SPART: variants seen among roughly 807,000 people sequenced by gnomAD.
The protein encoded by SPART is spartin, also known as spastic paraplegia 20 (Troyer syndrome).
SPART carries 35 observed loss-of-function variants against 58.7 expected under a neutral mutation model. The observed-to-expected ratio is 0.60, with a 90% CI of 0.46 to 0.79. The LOEUF (loss-of-function observed/expected upper bound fraction) is 0.79. Among genes scored for constraint, SPART ranks in the 30% least tolerant of loss-of-function variants. The pLI is 0.00. For missense variants in SPART, 730 were observed against 786.1 expected (o/e 0.93, Z 0.85); for synonymous variants, 284 against 280.7 (o/e 1.01, Z -0.12).
chr13:36,322,090 G>C (rs1383640849), intron 5 of SPART, among the ~76,000 whole-genome samples: 1 of 151,970 alleles, frequency 6.6e-6, no homozygotes, highest in Non-Finnish European at 1.5e-5. Flanking sequence ...TCCCTTTGCT[G>C]ATTCTCTTTT....
At chr13:36,367,012 G>A (rs565311072) in intron 1 of SPART, among the ~76,000 whole-genome samples, 21 of 152,234 alleles carry the variant, frequency 1.4e-4, no homozygotes, top group African/African-American at 4.6e-4. Flanking sequence ...TTCCCCATTC[G>A]ATGCCCCTTT....
intron 1 of SPART, among the ~76,000 whole-genome samples, chr13:36,352,834 C>G (rs1282151696): frequency 2.0e-5 from 3 of 151,820 alleles, no homozygotes; most frequent in Non-Finnish European, 4.4e-5. Flanking sequence ...GTGGCACACA[C>G]CTGTAGCTCC....
upstream of SPART, among the ~76,000 whole-genome samples, chr13:36,350,450 G>A (rs75887658): frequency 6.6e-6 from 1 of 152,148 alleles, no homozygotes; most frequent in Non-Finnish European, 1.5e-5. Context: ...CAGACCAGGT[G>A]TACCCTGCTA....
intron 5 of SPART, among the ~76,000 whole-genome samples, chr13:36,322,811 T>C (rs1178312161): frequency 4.6e-5 from 7 of 152,182 alleles, no homozygotes; most frequent in Non-Finnish European, 1.0e-4. Context: ...ATAAATTGAA[T>C]ATATGATTGC....
chr13:36,369,439 T>A (rs1049051078), intron 1 of SPART: 4 of 152,248 alleles, frequency 2.6e-5, no homozygotes, highest in African/African-American at 9.6e-5. Context: ...GCCTTTTTGT[T>A]AGCTCTGAGT....
chr13:36,317,419 G>A lies in SPART; in HGVS notation c.1289-2998C>T, dbSNP rs1014998419. Among the ~76,000 whole-genome samples the A allele has an allele frequency of 3.3e-5, 5 of 151,430 alleles. No homozygotes were observed. The East Asian group carries it at 7.8e-4, about 24-fold the overall frequency. ...CTCTGTGCCCCAATCCCTTATTTCC[G>A]TGCCCCAACCTCTTATATCTCTGTG... On this transcript the variant is annotated intron_variant, in intron 5 of 8. Transcript: ENST00000438666.
chr13:36,359,693 G>A (rs1885761610), intron 1 of SPART, among the ~76,000 whole-genome samples: 1 of 152,134 alleles, frequency 6.6e-6, no homozygotes, highest in Non-Finnish European at 1.5e-5. Flanking sequence ...GCAAATTGCA[G>A]TAGTCAAGAG....
rs369491741 is a variant in SPART at position 36,335,566 on chromosome 13, G to T, written c.265C>A (p.Arg89Ser). ...TTCTCTAGAATTTCCAGCCTGGTGC[G>T]TACATTCTGTAGAGTTTCTTTCATT... ...QKMKETLQNV[R>S]TRLEILEKGL... is the part of the protein sequence containing the mutation. Residue 89 changes from arginine (R) to serine (S), a missense_variant, in exon 2 of 9, where the codon CGC (arginine) becomes AGC (serine). By Grantham distance (110) the Arg-to-Ser change is moderately radical. Transcript: ENST00000438666. 6.2e-6 allele frequency: 10 copies of T among 1,613,960 alleles called. No individual in the cohort carries two copies. Among genetic ancestry groups the T allele is most frequent in the Non-Finnish European group, 8.5e-6 (10 of 1,180,010 alleles).
At chr13:36,354,015 A>C (rs1009258338) in intron 1 of SPART, among the ~76,000 whole-genome samples, 5 of 152,244 alleles carry the variant, frequency 3.3e-5, no homozygotes, top group African/African-American at 1.2e-4. Flanking sequence ...TTTATGAAGT[A>C]GAGTAACCTT....
chr13:36,344,824 C>T (rs7326853), intron 1 of SPART, among the ~76,000 whole-genome samples: 51,332 of 152,074 alleles, frequency 0.34, 9,491 homozygotes, highest in Non-Finnish European at 0.42. Flanking sequence ...ATGTATTAAA[C>T]AGTACCTACA....
At chr13:36,336,582 T>C (rs1186922614) in intron 1 of SPART, among the ~76,000 whole-genome samples, 1 of 152,186 alleles carries the variant, frequency 6.6e-6, no homozygotes, top group African/African-American at 2.4e-5. Flanking sequence ...GGAACTCTTC[T>C]ACCTTGCTGG....
At chr13:36,368,242 A>G (rs759432049) in intron 1 of SPART, 33 of 461,872 alleles carry the variant, frequency 7.1e-5, no homozygotes, top group Middle Eastern at 3.3e-4. Context: ...GGAATAAACA[A>G]CAACACAGGT....
rs1336939628 is a variant in SPART at position 36,367,787 on chromosome 13, T to G, written c.-3+2302A>C. On this transcript the variant is annotated intron_variant, in intron 1 of 8. Coordinates refer to the SPART transcript ENST00000355182. ...AGGTGATATCTCCTCACTCACTATG[T>G]GATGATTCAGTCATCTGGCACAGCG... is the stretch of plus-strand genomic sequence containing the variant. Among the ~76,000 whole-genome samples, 4 of 152,184 alleles carry G rather than the reference T, an allele frequency of 2.6e-5. No individual in the cohort carries two copies. The East Asian group carries it at 7.7e-4, about 29-fold the overall frequency.
chr13:36,308,055 G>A (rs181238528), intron 8 of SPART, among the ~76,000 whole-genome samples: 1 of 152,166 alleles, frequency 6.6e-6, no homozygotes, highest in African/African-American at 2.4e-5. Flanking sequence ...CTCCACAAAT[G>A]GTCATTCTAT....
intron 1 of SPART, among the ~76,000 whole-genome samples, chr13:36,341,170 G>A (rs182083087): frequency 1.3e-5 from 2 of 152,198 alleles, no homozygotes; most frequent in Non-Finnish European, 2.9e-5. Context: ...GACTTTGGGA[G>A]GAAGGGGTAA....
At chr13:36,318,553 T>C (rs1469521239) in intron 5 of SPART, among the ~76,000 whole-genome samples, 1 of 152,194 alleles carries the variant, frequency 6.6e-6, no homozygotes, top group Non-Finnish European at 1.5e-5. Context: ...CAGGATTTAA[T>C]TAACCTCGCC....
chr13:36,349,156 A>G (rs1418023575), upstream of SPART, among the ~76,000 whole-genome samples: 3 of 152,096 alleles, frequency 2.0e-5, no homozygotes, highest in African/African-American at 7.2e-5. Context: ...CTAGCTACCC[A>G]AGAGGCTGAG....
At chr13:36,333,429 A>AT (rs34312130) in intron 2 of SPART, among the ~76,000 whole-genome samples, 67,326 of 132,122 alleles carry the variant, frequency 0.51, 16,647 homozygotes, top group Non-Finnish European at 0.57. Flanking sequence ...TTATTATTGT[A>AT]TTTTTTTTTT....
rs1311090964 is a variant in SPART, at chr13:36,305,409, T to TAC, written c.1734-778_1734-777insGT. 1.6e-3 allele frequency among the ~76,000 whole-genome samples: 242 copies of TAC among 152,306 alleles called. 1 individual carries two copies. Among genetic ancestry groups the TAC allele is most frequent in the Non-Finnish European group, 3.1e-4 (21 of 68,034 alleles). ...TATAGAACTTATTAATTATCACTGTTCATGTCTTGCTTCTCTCACTAGAAT... is the reference window on the plus strand; with the variant it reads ...TATAGAACTTATTAATTATCACTGTTACCATGTCTTGCTTCTCTCACTAGAAT... On this transcript the variant is annotated intron_variant, in intron 8 of 8. Coordinates refer to ENST00000438666, the MANE Select transcript of SPART (RefSeq NM_015087.5).
Sources: gnomAD v4.1 joint callset for allele counts (sites outside exome capture counted in the v4.1 genomes callset) on GRCh38, gnomAD v4.1.1 for gene constraint, MANE v1.5 for transcripts, NCBI Gene and HGNC (gene_info 2026-07-23, HGNC 2026-07-21) for gene names.